The following KCNJ6 variants were observed in gnomAD, a reference collection of about 807,000 sequenced individuals.
KCNJ6 encodes potassium inwardly rectifying channel subfamily J member 6, also known as G protein-activated inward rectifier potassium channel 2.
A neutral mutation model predicts 34.2 loss-of-function variants in KCNJ6; 9 were observed. That is an observed-to-expected ratio of 0.26 (90% confidence interval 0.16 to 0.46). The LOEUF is 0.46. Ranked by LOEUF, KCNJ6 falls within the 20% of genes least tolerant of loss-of-function variation. The probability of loss-of-function intolerance (pLI) is 1.00; values close to 1 mark genes in which losing one functional copy is unlikely to be tolerated. For synonymous variants in KCNJ6, 196 were observed against 207.1 expected (o/e 0.95, Z 0.46); for missense variants, 236 against 531.3 (o/e 0.44, Z 5.46).
chr21:37,676,072 C>A (rs556869315), intron 3 of KCNJ6, among the ~76,000 whole-genome samples: 1 of 152,324 alleles, frequency 6.6e-6, no homozygotes, highest in East Asian at 1.9e-4. Flanking sequence ...GTGGGCACCA[C>A]AGAACTGCAG....
intron 1 of KCNJ6, among the ~76,000 whole-genome samples, chr21:37,894,919 T>C (rs1022853852): frequency 6.6e-6 from 1 of 152,312 alleles, no homozygotes; most frequent in African/African-American, 2.4e-5. Context: ...TTTAAAATTA[T>C]GTTCACAGTG....
At chr21:37,781,939 A>G (rs1738628897) in intron 2 of KCNJ6, among the ~76,000 whole-genome samples, 2 of 152,004 alleles carry the variant, frequency 1.3e-5, no homozygotes, top group Admixed American at 6.5e-5. Flanking sequence ...CCACATCCCA[A>G]TCCTCAGAGC....
chr21:37,626,442 C>T (rs948868438), intron 3 of KCNJ6, among the ~76,000 whole-genome samples: 3 of 152,152 alleles, frequency 2.0e-5, no homozygotes, highest in Admixed American at 1.3e-4. Context: ...CCACTTTTCC[C>T]TTTTCTTAAA....
chr21:37,906,883 A>C (rs118087838), intron 1 of KCNJ6, among the ~76,000 whole-genome samples: 13 of 152,304 alleles, frequency 8.5e-5, no homozygotes, highest in Non-Finnish European at 1.8e-4. Flanking sequence ...CAGGAGGGCT[A>C]ATGAAAATTT....
chr21:37,829,368 G>A (rs1174716597), intron 2 of KCNJ6, among the ~76,000 whole-genome samples: 3 of 152,242 alleles, frequency 2.0e-5, no homozygotes, highest in Non-Finnish European at 4.4e-5. Flanking sequence ...GCAAAGGCAA[G>A]TGGGGGTAGG....
chr21:37,766,087 G>T (rs1255492185), intron 2 of KCNJ6, among the ~76,000 whole-genome samples: 1 of 152,200 alleles, frequency 6.6e-6, no homozygotes, highest in African/African-American at 2.4e-5. Context: ...AGAGTTATCA[G>T]ATTTTAAATG....
chr21:37,714,805 G>C lies in KCNJ6; in HGVS notation c.352C>G (p.Arg118Gly). ...TCCTCTATGTGGTCCATGTCTCCCC[G>C]TATGTATGCGATCAACCACCAGATC... Reference protein sequence around the residue: ...GMIWWLIAYIRGDMDHIEDPS... With the variant: ...GMIWWLIAYIGGDMDHIEDPS... The change falls in exon 3 of 4, where the codon CGG becomes GGG. Residue 118 changes from arginine (R) to glycine (G), a missense_variant. Physicochemically the swap from Arg to Gly is moderately radical, Grantham distance 125. Transcript: ENST00000609713. This position sits in a 1 kb window ranked among gnomAD's most constrained non-coding sequence, Gnocchi z 5.9. 6.2e-7 allele frequency: 1 copy of C among 1,614,166 alleles called. No individual in the cohort carries two copies. The highest frequency in any genetic ancestry group is 8.5e-7 in the Non-Finnish European group (1 of 1,180,016).
intron 1 of KCNJ6, among the ~76,000 whole-genome samples, chr21:37,898,184 C>A (rs929007444): frequency 6.6e-6 from 1 of 152,222 alleles, no homozygotes; most frequent in Non-Finnish European, 1.5e-5. Flanking sequence ...AGCCTGGCAT[C>A]TGTGGAATCT....
At chr21:37,872,615 A>G (rs1193936650) in intron 1 of KCNJ6, among the ~76,000 whole-genome samples, 1 of 152,148 alleles carries the variant, frequency 6.6e-6, no homozygotes, top group Non-Finnish European at 1.5e-5. Context: ...TTTTCTCCCA[A>G]TAGTGATGTT....
At chr21:37,635,991 C>A (rs1479845694) in intron 3 of KCNJ6, among the ~76,000 whole-genome samples, 1 of 152,130 alleles carries the variant, frequency 6.6e-6, no homozygotes, top group African/African-American at 2.4e-5. Context: ...TTTTCAGAAC[C>A]ATTAACTATT....
In KCNJ6 at chr21:37,624,340, C is replaced by T. The variant is rs978754325; in HGVS notation, c.*819G>A. On this transcript the variant is annotated 3_prime_UTR_variant, in exon 4 of 4. Coordinates refer to ENST00000609713, the MANE Select transcript of KCNJ6 (RefSeq NM_002240.5). ...ATCCGTGTGGGAACAGTGAGGTACC[C>T]TAACGTCTGCCAGTCTGAGACACAA... 3.3e-5 allele frequency: 5 copies of T among 152,158 alleles called. No individual in the cohort carries two copies. Among genetic ancestry groups the T allele is most frequent in the Non-Finnish European group, 7.3e-5 (5 of 68,042 alleles). 9.4% of individuals were successfully genotyped at this position (152,158 alleles called of 1,614,324 possible).
At chr21:37,744,921 A>C (rs1204111744) in intron 2 of KCNJ6, among the ~76,000 whole-genome samples, 1 of 152,204 alleles carries the variant, frequency 6.6e-6, no homozygotes. Flanking sequence ...TGCATGTTAC[A>C]TGTCAAGGAG....
chr21:37,764,467 C>T (rs2055081370), intron 2 of KCNJ6, among the ~76,000 whole-genome samples: 1 of 151,808 alleles, frequency 6.6e-6, no homozygotes, highest in South Asian at 2.1e-4. Flanking sequence ...CAACCTCTGC[C>T]TCTTGGGTTC....
At chr21:37,731,080 C>T (rs2054881668) in intron 2 of KCNJ6, among the ~76,000 whole-genome samples, 1 of 133,266 alleles carries the variant, frequency 7.5e-6, no homozygotes, top group East Asian at 2.7e-4. Flanking sequence ...TCCTTTCTGC[C>T]ATTGCAGATA....
intron 2 of KCNJ6, among the ~76,000 whole-genome samples, chr21:37,760,016 C>A (rs912948883): frequency 6.6e-6 from 1 of 152,186 alleles, no homozygotes; most frequent in Admixed American, 6.5e-5. Flanking sequence ...GGAACGAATG[C>A]CTCTCACCCA....
intron 3 of KCNJ6, among the ~76,000 whole-genome samples, chr21:37,689,170 C>T (rs1212895118): frequency 6.6e-6 from 1 of 152,168 alleles, no homozygotes; most frequent in Non-Finnish European, 1.5e-5. Flanking sequence ...GGAAAGCTTG[C>T]AGAGTCTACA....
At chr21:37,886,909 C>T (rs1601517542) in intron 1 of KCNJ6, among the ~76,000 whole-genome samples, 1 of 151,672 alleles carries the variant, frequency 6.6e-6, no homozygotes, top group East Asian at 1.9e-4. Flanking sequence ...TCAACTATTT[C>T]CCCCACCACC....
intron 3 of KCNJ6, among the ~76,000 whole-genome samples, chr21:37,652,948 T>A (rs917147778): frequency 2.0e-5 from 3 of 152,182 alleles, no homozygotes; most frequent in Non-Finnish European, 4.4e-5. Flanking sequence ...TTTGAAATGC[T>A]CTTTGTGGAG....
At chr21:37,731,637 T>TACC (rs2082797858) in intron 2 of KCNJ6, among the ~76,000 whole-genome samples, 2 of 152,104 alleles carry the variant, frequency 1.3e-5, no homozygotes, top group Non-Finnish European at 2.9e-5. Flanking sequence ...TTGCTCTAAG[T>TACC]CTAGGGTACT....
Sources: gnomAD v4.1 joint callset for allele counts (sites outside exome capture counted in the v4.1 genomes callset) on GRCh38, gnomAD v4.1.1 for gene constraint, Gnocchi (gnomAD v3.1) non-coding constraint, MANE v1.5 for transcripts, NCBI Gene and HGNC (gene_info 2026-07-23, HGNC 2026-07-21) for gene names.